The following SLC39A11 variants were observed in gnomAD, a reference collection of about 807,000 sequenced individuals.
The protein encoded by SLC39A11 is solute carrier family 39 member 11, also known as zinc transporter ZIP11.
In SLC39A11, 33 loss-of-function variants were observed where a neutral mutation model predicts 36.1. That is an observed-to-expected ratio of 0.91 (90% CI 0.69 to 1.22). SLC39A11 has a LOEUF of 1.22. Among genes scored for constraint, SLC39A11 ranks in the 50% most tolerant of loss-of-function variants. The pLI is 0.00. For missense variants in SLC39A11, 432 were observed against 430.3 expected (o/e 1.00, Z -0.03); for synonymous variants, 166 against 170.3 (o/e 0.97, Z 0.20).
intron 4 of SLC39A11, among the ~76,000 whole-genome samples, chr17:72,969,312 G>A (rs1448081962): frequency 2.0e-5 from 3 of 152,100 alleles, no homozygotes; most frequent in African/African-American, 7.2e-5. Flanking sequence ...TGTGCGGAGG[G>A]AGAACAGGGT....
At chr17:73,016,765 C>T (rs1405483690) in intron 4 of SLC39A11, among the ~76,000 whole-genome samples, 1 of 152,178 alleles carries the variant, frequency 6.6e-6, no homozygotes, top group Non-Finnish European at 1.5e-5. Flanking sequence ...AACCAATGAA[C>T]CAAAGCTAAA....
intron 3 of SLC39A11, among the ~76,000 whole-genome samples, chr17:73,065,585 G>A (rs913849227): frequency 5.9e-5 from 9 of 152,144 alleles, no homozygotes; most frequent in African/African-American, 2.2e-4. Context: ...AGATTCTGAA[G>A]ATATTAAGTT....
chr17:72,890,651 T>C (rs1356584443), intron 5 of SLC39A11, among the ~76,000 whole-genome samples: 1 of 152,160 alleles, frequency 6.6e-6, no homozygotes, highest in Admixed American at 6.5e-5. Flanking sequence ...ATAAGTAAGC[T>C]ATCTGGCAAG....
At chr17:72,699,749 G>C (rs887334983) in intron 7 of SLC39A11, among the ~76,000 whole-genome samples, 1 of 152,220 alleles carries the variant, frequency 6.6e-6, no homozygotes, top group Non-Finnish European at 1.5e-5. Context: ...CTGTGGATTT[G>C]TCAGCCAGGG....
chr17:73,008,632 C>T (rs2090328880), intron 4 of SLC39A11, among the ~76,000 whole-genome samples: 2 of 152,342 alleles, frequency 1.3e-5, no homozygotes, highest in South Asian at 4.1e-4. Flanking sequence ...TCCTTGGTCA[C>T]TCATCTTACT....
At chr17:73,055,429 CT>C (rs977508879) in intron 3 of SLC39A11, among the ~76,000 whole-genome samples, 15 of 151,426 alleles carry the variant, frequency 9.9e-5, no homozygotes, top group Non-Finnish European at 1.0e-4. Flanking sequence ...TAGGAGTACA[CT>C]TTTTTTTCTT....
At chr17:72,911,129 AT>A (rs1236627245) in intron 5 of SLC39A11, among the ~76,000 whole-genome samples, 1 of 152,094 alleles carries the variant, frequency 6.6e-6, no homozygotes, top group African/African-American at 2.4e-5. Flanking sequence ...CCCTGTACAC[AT>A]AAAATAAAAT....
chr17:72,723,655 T>A (rs992660191), intron 7 of SLC39A11, among the ~76,000 whole-genome samples: 1 of 152,230 alleles, frequency 6.6e-6, no homozygotes, highest in African/African-American at 2.4e-5. Context: ...TTGAATAATG[T>A]TATTTGTTCC....
chr17:72,809,735 A>T (rs146167785), intron 6 of SLC39A11, among the ~76,000 whole-genome samples: 1 of 152,336 alleles, frequency 6.6e-6, no homozygotes, highest in African/African-American at 2.4e-5. Context: ...GGTCTGCTTA[A>T]CTATCCCAAG....
chr17:72,749,669 G>A (rs919751556), intron 6 of SLC39A11, among the ~76,000 whole-genome samples: 35 of 152,084 alleles, frequency 2.3e-4, no homozygotes, highest in African/African-American at 8.2e-4. Context: ...GGCTGCAGAT[G>A]GAGGCTTTGC....
At chr17:72,828,431 T>C (rs573935097) in intron 6 of SLC39A11, among the ~76,000 whole-genome samples, 1 of 152,352 alleles carries the variant, frequency 6.6e-6, no homozygotes, top group Non-Finnish European at 1.5e-5. Context: ...AAGAAATTGA[T>C]TCTCTCCTAG....
At chr17:72,679,846 A>T (rs1466371627) in intron 7 of SLC39A11, among the ~76,000 whole-genome samples, 1 of 152,132 alleles carries the variant, frequency 6.6e-6, no homozygotes, top group African/African-American at 2.4e-5. Context: ...GATCGAGACC[A>T]TCCTGGCCAA....
intron 1 of SLC39A11, 129 bp from the exon 2 acceptor site, chr17:73,088,904 C>T (rs1243621683): frequency 1.2e-5 from 8 of 663,918 alleles, no homozygotes; most frequent in Non-Finnish European, 1.9e-5. Flanking sequence ...ACCCTTCCAC[C>T]ACGCCATCTG....
intron 7 of SLC39A11, among the ~76,000 whole-genome samples, chr17:72,729,459 T>TATA (rs2074125828): frequency 6.1e-5 from 1 of 16,288 alleles, no homozygotes; most frequent in Non-Finnish European, 1.4e-4. Flanking sequence ...ATATATATAT[T>TATA]TTTTTTTTTT....
chr17:72,939,642 T>C (rs1488010925), intron 5 of SLC39A11, among the ~76,000 whole-genome samples: 6 of 151,992 alleles, frequency 3.9e-5, no homozygotes, highest in Admixed American at 3.9e-4. Flanking sequence ...AAGGTCACAA[T>C]GTGGGCAGAG....
chr17:72,820,557 C>A (rs1343265810), intron 6 of SLC39A11, among the ~76,000 whole-genome samples: 1 of 151,044 alleles, frequency 6.6e-6, no homozygotes, highest in African/African-American at 2.4e-5. Context: ...ACTGGGATTG[C>A]AGAGCTCAGC....
At chr17:73,048,744 G>A (rs1288079543) in intron 3 of SLC39A11, among the ~76,000 whole-genome samples, 1 of 152,178 alleles carries the variant, frequency 6.6e-6, no homozygotes, top group East Asian at 1.9e-4. Context: ...CAAATTCTCA[G>A]CACAAAAACT....
intron 6 of SLC39A11, among the ~76,000 whole-genome samples, chr17:72,745,156 A>G (rs1232405776): frequency 6.6e-6 from 1 of 152,212 alleles, no homozygotes; most frequent in African/African-American, 2.4e-5. Flanking sequence ...ATTTTTGAGA[A>G]ACACAAATGT....
At chr17:72,756,405 G>A (rs2075365061) in intron 6 of SLC39A11, among the ~76,000 whole-genome samples, 2 of 152,218 alleles carry the variant, frequency 1.3e-5, no homozygotes, top group Admixed American at 6.5e-5. Flanking sequence ...TGGATCAACA[G>A]ATAAGCAAAA....
Sources: allele counts gnomAD v4.1 joint callset (sites outside exome capture counted in the v4.1 genomes callset), GRCh38; gene constraint gnomAD v4.1.1; transcripts MANE v1.5; gene names NCBI Gene and HGNC (gene_info 2026-07-23, HGNC 2026-07-21).